Variants in SMAD5 observed in about 807,000 individuals in gnomAD.
SMAD5 encodes MAD, mothers against decapentaplegic homolog 5.
A neutral mutation model predicts 43.1 loss-of-function variants in SMAD5; 9 were observed. The observed-to-expected ratio is 0.21, with a 90% CI of 0.13 to 0.36. The LOEUF (loss-of-function observed/expected upper bound fraction) is 0.36. SMAD5 is among the 10% of genes least tolerant of loss of function. The probability of loss-of-function intolerance (pLI) is 1.00; values close to 1 mark genes in which losing one functional copy is unlikely to be tolerated. For synonymous variants in SMAD5, 190 were observed against 192.4 expected, an observed-to-expected ratio of 0.99 and a Z score of 0.10; for missense variants, 348 against 574.0, an observed-to-expected ratio of 0.61 and a Z score of 4.02.
At chr5:136,148,803 G>T (rs1005128263) in intron 2 of SMAD5, among the ~76,000 whole-genome samples, 1 of 151,826 alleles carries the variant, frequency 6.6e-6, no homozygotes, top group African/African-American at 2.4e-5. Flanking sequence ...CTCACTCATG[G>T]TTCATAAGCC....
chr5:136,140,127 A>G (rs566243236), intron 1 of SMAD5, among the ~76,000 whole-genome samples: 14 of 151,726 alleles, frequency 9.2e-5, no homozygotes, highest in African/African-American at 3.1e-4. Flanking sequence ...GGCTCAAGCA[A>G]TTCTCCTTCC....
At chr5:136,165,947 C>T (rs965668955) in intron 5 of SMAD5, among the ~76,000 whole-genome samples, 1 of 151,814 alleles carries the variant, frequency 6.6e-6, no homozygotes, top group Non-Finnish European at 1.5e-5. Flanking sequence ...ACCAGAAGTA[C>T]AATTACTGGA....
chr5:136,166,406 C>A (rs1053781901), intron 5 of SMAD5, among the ~76,000 whole-genome samples: 11 of 152,118 alleles, frequency 7.2e-5, no homozygotes, highest in African/African-American at 2.6e-4. Flanking sequence ...AGTTAAATTT[C>A]CAGACCCCTA....
intron 1 of SMAD5, among the ~76,000 whole-genome samples, chr5:136,141,678 T>C (rs141370504): frequency 1.3e-5 from 2 of 152,332 alleles, no homozygotes; most frequent in East Asian, 3.9e-4. Context: ...TTATAGCTGC[T>C]GAGTCAGTTA....
chr5:136,143,573 C>T (rs1753162647), intron 1 of SMAD5, among the ~76,000 whole-genome samples: 1 of 151,928 alleles, frequency 6.6e-6, no homozygotes, highest in Non-Finnish European at 1.5e-5. Flanking sequence ...CTGATTGTCA[C>T]CTCCTAGCCT....
intron 1 of SMAD5, among the ~76,000 whole-genome samples, chr5:136,142,865 C>T (rs948171413): frequency 1.3e-5 from 2 of 152,026 alleles, no homozygotes; most frequent in Non-Finnish European, 2.9e-5. Flanking sequence ...TTTATAGCCC[C>T]TGTTCTTTTT....
chr5:136,158,631 G>A (rs1362761213), intron 3 of SMAD5, among the ~76,000 whole-genome samples: 1 of 152,196 alleles, frequency 6.6e-6, no homozygotes, highest in Non-Finnish European at 1.5e-5. Flanking sequence ...CTGGCACGGT[G>A]GCTCACGCCT....
intron 3 of SMAD5, among the ~76,000 whole-genome samples, chr5:136,159,001 T>C (rs569807321): frequency 2.0e-5 from 3 of 152,328 alleles, no homozygotes; most frequent in African/African-American, 7.2e-5. Flanking sequence ...TTAACAGATC[T>C]GTTGGAATTC....
At chr5:136,136,963 C>CT (rs989787816) in intron 1 of SMAD5, among the ~76,000 whole-genome samples, 18 of 151,172 alleles carry the variant, frequency 1.2e-4, no homozygotes, top group African/African-American at 4.1e-4. Context: ...TCCCAAAGTG[C>CT]TGGGATTACA....
chr5:136,155,677 C>G (rs1352903648), intron 3 of SMAD5, among the ~76,000 whole-genome samples: 1 of 152,196 alleles, frequency 6.6e-6, no homozygotes, highest in African/African-American at 2.4e-5. Flanking sequence ...TCTACTTATT[C>G]TCCCCCAGGA....
chr5:136,148,263 T>C (rs1403292011), intron 2 of SMAD5, among the ~76,000 whole-genome samples: 16 of 151,508 alleles, frequency 1.1e-4, no homozygotes, highest in Non-Finnish European at 7.4e-5. Context: ...TGTTCTTTTT[T>C]TTGCAAAAAT....
At chr5:136,165,499 C>A (rs922297845) in intron 5 of SMAD5, among the ~76,000 whole-genome samples, 1 of 151,850 alleles carries the variant, frequency 6.6e-6, no homozygotes, top group African/African-American at 2.4e-5. Flanking sequence ...CCATCACCAC[C>A]ATCCATTTCT....
At chr5:136,145,420 A>C (rs1479267655) in intron 1 of SMAD5, among the ~76,000 whole-genome samples, 2 of 152,008 alleles carry the variant, frequency 1.3e-5, no homozygotes, top group African/African-American at 4.8e-5. Context: ...CTTGAAAGAC[A>C]GTCCTGGAGC....
intron 7 of SMAD5, among the ~76,000 whole-genome samples, chr5:136,175,908 C>T (rs1754400266): frequency 6.6e-6 from 1 of 152,136 alleles, no homozygotes. Context: ...TTTTCCTGGG[C>T]CAAGACTACC....
chr5:136,147,133 A>G (rs924764303), intron 1 of SMAD5, among the ~76,000 whole-genome samples: 1 of 151,746 alleles, frequency 6.6e-6, no homozygotes, highest in Non-Finnish European at 1.5e-5. Context: ...TTCTGAGATC[A>G]TTGTGTTCCA....
chr5:136,143,813 A>T (rs913958950), intron 1 of SMAD5, among the ~76,000 whole-genome samples: 1 of 151,564 alleles, frequency 6.6e-6, no homozygotes, highest in African/African-American at 2.4e-5. Flanking sequence ...ATCTGTCCAA[A>T]CCAGCTGTTT....
At chr5:136,170,405 G>C (rs1292020018) in intron 5 of SMAD5, among the ~76,000 whole-genome samples, 2 of 151,792 alleles carry the variant, frequency 1.3e-5, no homozygotes, top group African/African-American at 4.8e-5. Context: ...TATTTACTTG[G>C]GTCTATTTCT....
chr5:136,157,442 T>G (rs1753675946), intron 3 of SMAD5, among the ~76,000 whole-genome samples: 1 of 152,162 alleles, frequency 6.6e-6, no homozygotes, highest in Non-Finnish European at 1.5e-5. Context: ...TTATATTTAT[T>G]GTGCACTTTA....
rs555921860 is a variant in SMAD5 at position 136,148,460 on chromosome 5, A to G, written c.-170+554A>G. 2.0e-5 allele frequency among the ~76,000 whole-genome samples: 3 copies of G among 151,954 alleles called. No homozygotes were observed. The East Asian group carries it at 5.8e-4, about 29-fold the overall frequency. ...TACAAAAAAGCACAAACTCATACAT[A>G]TAAAACATGGAGAATCTTATAATAC... On this transcript the variant is annotated intron_variant, in intron 2 of 7. Transcript: ENST00000545279.
Sources: gnomAD v4.1 joint callset for allele counts (sites outside exome capture counted in the v4.1 genomes callset) on GRCh38, gnomAD v4.1.1 for gene constraint, MANE v1.5 for transcripts, NCBI Gene and HGNC (gene_info 2026-07-23, HGNC 2026-07-21) for gene names.